ASCC2: variants seen among roughly 807,000 people sequenced by gnomAD.
The protein encoded by ASCC2 is activating signal cointegrator 1 complex subunit 2, also known as ASC-1 complex subunit P100.
Under a neutral mutation model 93.5 loss-of-function variants are expected in ASCC2, and 42 were observed. The ratio of observed to expected loss-of-function variants is 0.45; its 90% CI spans 0.35 to 0.58. The LOEUF (loss-of-function observed/expected upper bound fraction) is 0.58, where lower values mean the gene tolerates loss of function less well. Ranked by LOEUF, ASCC2 falls within the 20% of genes least tolerant of loss-of-function variation. The pLI is 0.00. For synonymous variants in ASCC2, 364 were observed against 384.2 expected, an observed-to-expected ratio of 0.95 and a Z score of 0.62; for missense variants, 859 against 977.6, an observed-to-expected ratio of 0.88 and a Z score of 1.62.
In ASCC2 at chr22:29,814,781, G is replaced by A; in HGVS notation, c.610-14C>T. On this transcript the variant is annotated splice_polypyrimidine_tract_variant and intron_variant, in intron 6 of 19. Coordinates refer to ENST00000307790, the MANE Select transcript of ASCC2 (RefSeq NM_032204.5). ...ATTGCTGAAGACCTGTGAAAGACAA[G>A]AACGGGCTCTCTCACATCATACTGA... is the stretch of plus-strand genomic sequence containing the variant. 1.2e-6 allele frequency: 2 copies of A among 1,603,126 alleles called. No individual in the cohort carries two copies. The highest frequency in any genetic ancestry group is 1.7e-6 in the Non-Finnish European group (2 of 1,171,998).
intron 8 of ASCC2, among the ~76,000 whole-genome samples, chr22:29,811,402 T>A (rs779620970): frequency 7.9e-5 from 12 of 152,190 alleles, no homozygotes; most frequent in Non-Finnish European, 1.6e-4. Flanking sequence ...ACTTTTTGAG[T>A]TTTGAACCAT....
Position 29,788,857 on chromosome 22 carries a change from C to A in ASCC2, c.*156G>T. On this transcript the variant is annotated 3_prime_UTR_variant, in exon 20 of 20. Transcript: ENST00000307790. ...TCTGCAGGAAGGCGCTCATGGCTGGCTGGTAGATGAGAGGCGGCCTTCTCA... is the reference window on the plus strand; with the variant it reads ...TCTGCAGGAAGGCGCTCATGGCTGGATGGTAGATGAGAGGCGGCCTTCTCA... The A allele has an allele frequency of 1.2e-6, 1 of 861,790 alleles. No individual in the cohort carries two copies. Among genetic ancestry groups the A allele is most frequent in the Non-Finnish European group, 1.8e-6 (1 of 551,728 alleles). The allele number at this position is 861,790 out of a possible 1,614,324, so 53.4% of individuals were successfully genotyped here.
chr22:29,830,115 T>C (rs1055833670), intron 2 of ASCC2, among the ~76,000 whole-genome samples: 1 of 152,120 alleles, frequency 6.6e-6, no homozygotes, highest in African/African-American at 2.4e-5. Context: ...TACCCCCAAT[T>C]TAGTGCTGCT....
chr22:29,791,519 A>G (rs1050887218), intron 18 of ASCC2, among the ~76,000 whole-genome samples: 1 of 152,122 alleles, frequency 6.6e-6, no homozygotes, highest in African/African-American at 2.4e-5. Context: ...GTCTTTACTG[A>G]AAATACAAAA....
intron 15 of ASCC2, among the ~76,000 whole-genome samples, chr22:29,799,481 A>G (rs2147589880): frequency 6.6e-6 from 1 of 152,274 alleles, no homozygotes; most frequent in Admixed American, 6.5e-5. Context: ...GGACAGCCCT[A>G]GGGAGGGGTA....
chr22:29,833,441 A>G (rs538010272), intron 1 of ASCC2: 18 of 362,796 alleles, frequency 5.0e-5, no homozygotes, highest in South Asian at 3.1e-4. Flanking sequence ...AGGACATGGA[A>G]GAAGGGAAGA....
Position 29,825,970 on chromosome 22 carries a change from A to C in ASCC2, c.82-190T>G. On this transcript the variant is annotated intron_variant, in intron 2 of 19. Transcript: ENST00000307790. This position sits in a 1 kb window ranked among gnomAD's most constrained non-coding sequence, Gnocchi z 4.9. ...TTCAGCGAACACTAGGCGGTAATTA[A>C]AATCCATGTTTTCGGAGTGGATTTA... 3 of 564,050 alleles carry C rather than the reference A, an allele frequency of 5.3e-6. No individual in the cohort carries two copies. Among genetic ancestry groups the C allele is most frequent in the Non-Finnish European group, 9.1e-6 (3 of 328,322 alleles). 34.9% of individuals were successfully genotyped at this position (564,050 alleles called of 1,614,324 possible). A position where few individuals can be genotyped will look rare whatever the true frequency, so the allele number is the denominator to read the frequency against.
chr22:29,811,267 T>C (rs1181168054), intron 8 of ASCC2, among the ~76,000 whole-genome samples: 1 of 152,206 alleles, frequency 6.6e-6, no homozygotes, highest in East Asian at 1.9e-4. Context: ...ATGTGCACAG[T>C]TGCTCATATG....
chr22:29,825,463 T>A lies in ASCC2; in HGVS notation c.240+159A>T. ...GAAAGGTGTGTAAACATTAAGATTGTGATACAAGACAGAGCAATCCGAACC... is the reference window on the plus strand; with the variant it reads ...GAAAGGTGTGTAAACATTAAGATTGAGATACAAGACAGAGCAATCCGAACC... On this transcript the variant is annotated intron_variant, in intron 3 of 19. Coordinates refer to ENST00000307790, the MANE Select transcript of ASCC2 (RefSeq NM_032204.5). The surrounding 1 kb of genome is among the most constrained non-coding windows in gnomAD (Gnocchi z 4.9). 2 of 1,187,756 alleles carry A rather than the reference T, an allele frequency of 1.7e-6. No individual in the cohort carries two copies. The highest frequency in any genetic ancestry group is 2.4e-6 in the Non-Finnish European group (2 of 838,524). The allele number at this position is 1,187,756 out of a possible 1,614,324, so 73.6% of individuals were successfully genotyped here. A position where few individuals can be genotyped will look rare whatever the true frequency, so the allele number is the denominator to read the frequency against.
At chr22:29,789,661 A>G (rs886660599) in intron 19 of ASCC2, among the ~76,000 whole-genome samples, 1 of 152,302 alleles carries the variant, frequency 6.6e-6, no homozygotes, top group African/African-American at 2.4e-5. Context: ...CTCCGCACTC[A>G]GGGGGCTGGG....
At chr22:29,831,162 G>T (rs937890103) in intron 2 of ASCC2, among the ~76,000 whole-genome samples, 9 of 152,078 alleles carry the variant, frequency 5.9e-5, no homozygotes, top group African/African-American at 2.2e-4. Context: ...CCACCTATTG[G>T]GTGGCTATCA....
chr22:29,789,658 C>T (rs1481758233), intron 19 of ASCC2, among the ~76,000 whole-genome samples: 1 of 152,216 alleles, frequency 6.6e-6, no homozygotes, highest in Non-Finnish European at 1.5e-5. Context: ...GAGCTCCGCA[C>T]TCAGGGGGCT....
At chr22:29,808,236 C>T (rs2059907497) in intron 8 of ASCC2, 51 bp from the exon 9 acceptor site, 1 of 1,566,404 alleles carries the variant, frequency 6.4e-7, no homozygotes, top group African/African-American at 1.4e-5. Context: ...AAATACCACA[C>T]TTCATAAGAA....
At chr22:29,822,155 T>C (rs1602143212) in intron 5 of ASCC2, 180 bp downstream of exon 5, 2 of 726,450 alleles carry the variant, frequency 2.8e-6, no homozygotes, top group East Asian at 2.7e-5. Flanking sequence ...CCTCCCTAGG[T>C]AGTGTCACTA....
At chr22:29,792,734 G>C (rs2057912916) in intron 17 of ASCC2, among the ~76,000 whole-genome samples, 199 bp from the exon 18 acceptor site, 1 of 152,154 alleles carries the variant, frequency 6.6e-6, no homozygotes, top group South Asian at 2.1e-4. Flanking sequence ...GGGGTTGAGG[G>C]GGAGACTGAA....
At chr22:29,814,464 T>G (rs770918604) in intron 7 of ASCC2, among the ~76,000 whole-genome samples, 193 bp downstream of exon 7, 1 of 152,156 alleles carries the variant, frequency 6.6e-6, no homozygotes, top group Non-Finnish European at 1.5e-5. Context: ...CAGAGAGAAA[T>G]CCAAGCCAGC....
In ASCC2 at chr22:29,801,248, A is replaced by T. The variant is rs1444304297; in HGVS notation, c.1569-138T>A. Reference sequence around the variant, plus strand: ...GGCACTCCTAGGACACAATCTCAAAACCTTGAAGAGGGAGATAAGCTGCTG... The same window carrying T: ...GGCACTCCTAGGACACAATCTCAAATCCTTGAAGAGGGAGATAAGCTGCTG... On this transcript the variant is annotated intron_variant, in intron 14 of 19. Transcript: ENST00000307790. The T allele has an allele frequency of 2.6e-6, 3 of 1,170,976 alleles. No individual in the cohort carries two copies. In the Admixed American group the frequency reaches 8.2e-5, roughly 32 times the overall value. The allele number at this position is 1,170,976 out of a possible 1,614,324, so 72.5% of individuals were successfully genotyped here.
chr22:29,789,306 T>C lies in ASCC2; in HGVS notation c.2103-122A>G, dbSNP rs1315471277. The C allele has an allele frequency of 2.5e-6, 3 of 1,187,024 alleles. No individual in the cohort carries two copies. The East Asian group carries it at 7.0e-5, about 28-fold the overall frequency. The allele number at this position is 1,187,024 out of a possible 1,614,324, so 73.5% of individuals were successfully genotyped here. On this transcript the variant is annotated intron_variant, in intron 19 of 19. Transcript: ENST00000307790. ...CACAGACTGGGCCTGGTCACTCATG[T>C]CCCAACTTCAGATGGAAGGAGAGAT...
chr22:29,800,934 G>T (rs2059005539), intron 15 of ASCC2, 57 bp downstream of exon 15: 6 of 1,528,990 alleles, frequency 3.9e-6, no homozygotes, highest in Non-Finnish European at 5.3e-6. Flanking sequence ...GTTTCCCTGT[G>T]TCCTCTCTGC....
Sources: allele counts gnomAD v4.1 joint callset (sites outside exome capture counted in the v4.1 genomes callset), GRCh38; gene constraint gnomAD v4.1.1; non-coding constraint Gnocchi (gnomAD v3.1); transcripts MANE v1.5; gene names NCBI Gene and HGNC (gene_info 2026-07-23, HGNC 2026-07-21).